The following INSYN2B variants were observed in gnomAD, a reference collection of about 807,000 sequenced individuals.
INSYN2B encodes protein INSYN2B.
INSYN2B carries 16 observed loss-of-function variants against 41.2 expected under a neutral mutation model. The observed-to-expected ratio is 0.39, with a 90% CI of 0.26 to 0.59. The LOEUF (loss-of-function observed/expected upper bound fraction) is 0.59, where lower values mean the gene tolerates loss of function less well. Ranked by LOEUF, INSYN2B falls within the 20% of genes least tolerant of loss-of-function variation. INSYN2B has a pLI of 0.57. For synonymous variants in INSYN2B, 245 were observed against 244.4 expected (o/e 1.00, Z -0.02); for missense variants, 608 against 646.4 (o/e 0.94, Z 0.64).
At chr5:169,948,770 A>G (rs1776545756) in intron 1 of INSYN2B, among the ~76,000 whole-genome samples, 1 of 151,552 alleles carries the variant, frequency 6.6e-6, no homozygotes, top group African/African-American at 2.4e-5. Flanking sequence ...GTGCCACTAC[A>G]CCTGGCTCAC....
chr5:169,955,684 A>G (rs531403193), intron 1 of INSYN2B, among the ~76,000 whole-genome samples: 155 of 152,316 alleles, frequency 1.0e-3, no homozygotes, highest in African/African-American at 3.7e-3. Context: ...CAGCCTAGCC[A>G]CTATATAGCT....
rs191663512 is a variant in INSYN2B, at chr5:169,866,097, G to A, written c.1422-1638C>T. Among the ~76,000 whole-genome samples, 933 of 145,356 alleles carry A rather than the reference G, an allele frequency of 6.4e-3. 5 individuals are homozygous for A. The highest frequency in any genetic ancestry group is 9.8e-3 in the Non-Finnish European group (634 of 64,502). ...TGCAGGGCTGAAGAGTCAGAGGGGC[G>A]AGGGGGCCTGTTTTATAGCAAGACT... On this transcript the variant is annotated intron_variant, in intron 3 of 3. Coordinates refer to ENST00000377365, the MANE Select transcript of INSYN2B (RefSeq NM_001129891.3).
chr5:169,887,873 CA>C (rs1402093936), intron 1 of INSYN2B, among the ~76,000 whole-genome samples: 1 of 152,170 alleles, frequency 6.6e-6, no homozygotes, highest in Non-Finnish European at 1.5e-5. Context: ...GGTCTTTCAC[CA>C]GAACCTCTTT....
chr5:169,919,974 A>G (rs1164845190), intron 1 of INSYN2B, among the ~76,000 whole-genome samples: 1 of 152,262 alleles, frequency 6.6e-6, no homozygotes, highest in Non-Finnish European at 1.5e-5. Flanking sequence ...TAATGAACAC[A>G]TACTTTAGTG....
intron 3 of INSYN2B, among the ~76,000 whole-genome samples, chr5:169,866,146 G>T (rs1771542651): frequency 6.6e-6 from 1 of 151,982 alleles, no homozygotes; most frequent in African/African-American, 2.4e-5. Flanking sequence ...TTCTTAGGGA[G>T]CACTAGGAAA....
intron 1 of INSYN2B, among the ~76,000 whole-genome samples, chr5:169,906,967 A>G (rs1774316407): frequency 6.6e-6 from 1 of 152,178 alleles, no homozygotes; most frequent in Non-Finnish European, 1.5e-5. Context: ...GAGTTCTGCT[A>G]TGAGTCAGGC....
intron 1 of INSYN2B, among the ~76,000 whole-genome samples, chr5:169,952,281 T>G (rs948661862): frequency 2.6e-5 from 4 of 152,214 alleles, no homozygotes; most frequent in African/African-American, 7.2e-5. Context: ...TATAACAATT[T>G]ATTGAGAACT....
chr5:169,943,604 G>T (rs1017694676), intron 1 of INSYN2B, among the ~76,000 whole-genome samples: 6 of 152,182 alleles, frequency 3.9e-5, no homozygotes, highest in Admixed American at 3.9e-4. Flanking sequence ...CTCCTGGCTT[G>T]TCTATTATAT....
At position 169,883,639 on chromosome 5, in the gene INSYN2B, T is replaced by C; in HGVS notation, c.260A>G (p.Gln87Arg). The C allele has an allele frequency of 3.2e-6, 5 of 1,551,442 alleles. No individual in the cohort carries two copies. Among genetic ancestry groups the C allele is most frequent in the Non-Finnish European group, 4.4e-6 (5 of 1,146,832 alleles). Residue 87 changes from glutamine to arginine, a missense_variant, in exon 2 of 4, where the codon CAG (glutamine) becomes CGG (arginine). Transcript: ENST00000377365. ...AATGTTGCGAAAGCCCCCTGCCTTC[T>C]GGGACCTGGGGAAGGAGAGCGAGTA... ...PTYSLSFPRS[Q>R]KAGGFRNIAI...
chr5:169,945,860 G>T (rs1430296218), intron 1 of INSYN2B, among the ~76,000 whole-genome samples: 2 of 152,110 alleles, frequency 1.3e-5, no homozygotes, highest in African/African-American at 2.4e-5. Flanking sequence ...TTCTTGACTC[G>T]TCCTTATTTG....
intron 1 of INSYN2B, among the ~76,000 whole-genome samples, chr5:169,976,676 G>A (rs978231604): frequency 6.6e-6 from 1 of 152,230 alleles, no homozygotes; most frequent in Non-Finnish European, 1.5e-5. Flanking sequence ...AGTTTCAAAT[G>A]AAGAGTGTGT....
At chr5:169,913,155 A>G (rs1264169481) in intron 1 of INSYN2B, among the ~76,000 whole-genome samples, 1 of 152,192 alleles carries the variant, frequency 6.6e-6, no homozygotes, top group Non-Finnish European at 1.5e-5. Flanking sequence ...AAGGACAACT[A>G]TACTTTCACA....
rs935310608 is a variant in INSYN2B, at chr5:169,928,059, A to T, written c.-918-43243T>A. Among the ~76,000 whole-genome samples the T allele has an allele frequency of 2.6e-5, 4 of 152,164 alleles. No homozygotes were observed. The East Asian group carries it at 7.7e-4, about 29-fold the overall frequency. On this transcript the variant is annotated intron_variant, in intron 1 of 3. Coordinates refer to ENST00000377365, the MANE Select transcript of INSYN2B (RefSeq NM_001129891.3). ...TTAAACAGGTGGTAGAGAGGGTACA[A>T]ATATCAGGGAGAAAGTCCACAGAAG...
chr5:169,924,939 T>C (rs965244767), intron 1 of INSYN2B, among the ~76,000 whole-genome samples: 2 of 152,184 alleles, frequency 1.3e-5, no homozygotes, highest in Non-Finnish European at 1.5e-5. Flanking sequence ...CCAGGCACAA[T>C]TGCTTCTCCC....
intron 1 of INSYN2B, among the ~76,000 whole-genome samples, chr5:169,941,145 GC>G (rs1776229623): frequency 1.3e-5 from 2 of 152,294 alleles, no homozygotes; most frequent in South Asian, 4.1e-4. Flanking sequence ...TGTCGGGAGA[GC>G]AGATAACAAG....
intron 1 of INSYN2B, among the ~76,000 whole-genome samples, chr5:169,917,138 C>G (rs919317992): frequency 6.6e-6 from 1 of 152,180 alleles, no homozygotes; most frequent in Non-Finnish European, 1.5e-5. Flanking sequence ...CAAAAGACAA[C>G]CTTTTTTAGT....
intron 1 of INSYN2B, among the ~76,000 whole-genome samples, chr5:169,905,494 C>A (rs1774225182): frequency 6.6e-6 from 1 of 152,194 alleles, no homozygotes; most frequent in Non-Finnish European, 1.5e-5. Context: ...TAGCTCGAGG[C>A]TGCCAGGCAG....
intron 1 of INSYN2B, among the ~76,000 whole-genome samples, chr5:169,943,373 G>T (rs1173005255): frequency 6.6e-6 from 1 of 152,038 alleles, no homozygotes; most frequent in Non-Finnish European, 1.5e-5. Flanking sequence ...TTAGGTCCTG[G>T]ACCTGTGGCC....
intron 1 of INSYN2B, among the ~76,000 whole-genome samples, chr5:169,922,870 T>G (rs1259140052): frequency 6.6e-6 from 1 of 152,206 alleles, no homozygotes. Context: ...AGCTTGAAAT[T>G]TGTATGTTGA....
Sources: gnomAD v4.1 joint callset for allele counts (sites outside exome capture counted in the v4.1 genomes callset) on GRCh38, gnomAD v4.1.1 for gene constraint, MANE v1.5 for transcripts, NCBI Gene and HGNC (gene_info 2026-07-23, HGNC 2026-07-21) for gene names.